Variants in DBR1 observed in about 807,000 individuals in gnomAD.
DBR1 encodes the protein lariat debranching enzyme.
A neutral mutation model predicts 45.9 loss-of-function variants in DBR1; 33 were observed. The ratio of observed to expected loss-of-function variants is 0.72; its 90% CI spans 0.55 to 0.96. The LOEUF (loss-of-function observed/expected upper bound fraction) is 0.96. DBR1 is among the 40% of genes least tolerant of loss of function. The pLI is 0.00. For missense variants in DBR1, 619 were observed against 667.4 expected (o/e 0.93, Z 0.80); for synonymous variants, 235 against 235.9 (o/e 1.00, Z 0.04).
chr3:138,167,350 A>T, intron 4 of DBR1, 45 bp from the exon 5 acceptor site: 1 of 1,369,272 alleles, frequency 7.3e-7, no homozygotes, highest in Non-Finnish European at 1.0e-6. Context: ...CTTAAAACAG[A>T]TTAACCAAAA....
intron 4 of DBR1, among the ~76,000 whole-genome samples, chr3:138,169,649 T>G (rs1405299577): frequency 6.6e-6 from 1 of 152,124 alleles, no homozygotes; most frequent in Non-Finnish European, 1.5e-5. Context: ...AAAAAAAATT[T>G]TGCCGGGCAC....
Position 138,162,440 on chromosome 3 carries a change from T to A in DBR1, c.1084A>T (p.Arg362Trp). ...AATTCAGTTGTCTGAGGATTGATCC[T>A]ATGAATCAGCTGCATTTGTGTCTGT... is the stretch of plus-strand genomic sequence containing the variant. ...KPQTQMQLIH[R>W]INPQTTEFCA... The change falls in exon 8 of 8, where the codon AGG becomes TGG. Residue 362 changes from arginine (R) to tryptophan (W), a missense_variant. Physicochemically the swap from Arg to Trp is moderately radical, Grantham distance 101. Coordinates refer to ENST00000260803, the MANE Select transcript of DBR1 (RefSeq NM_016216.4). 6.2e-7 allele frequency: 1 copy of A among 1,614,206 alleles called. No individual in the cohort carries two copies. The highest frequency in any genetic ancestry group is 8.5e-7 in the Non-Finnish European group (1 of 1,180,038).
In DBR1 at chr3:138,161,938, T is replaced by A. The variant is rs767205370; in HGVS notation, c.1586A>T (p.Asn529Ile). Residue 529 changes from asparagine (N) to isoleucine (I), a missense_variant, in exon 8 of 8, where the codon AAT becomes ATT. Asn to Ile is a moderately radical substitution (Grantham distance 149). This residue lies in a region of DBR1 where 182 missense variants were observed against 196.1 expected (regional missense o/e 0.93). Transcript: ENST00000260803. ...PEQRKKIKRRNQAIYAAVDDD... is the reference protein window; with the variant it reads ...PEQRKKIKRRIQAIYAAVDDD... ...ATCCACTGCAGCGTAAATGGCTTGA[T>A]TCCTCCTCTTAATTTTCTTTCTTTG... 2 of 1,614,198 alleles carry A rather than the reference T, an allele frequency of 1.2e-6. No individual in the cohort carries two copies. The highest frequency in any genetic ancestry group is 1.7e-6 in the Non-Finnish European group (2 of 1,180,018).
rs553653278 is a variant in DBR1, at chr3:138,163,370, T to C, written c.920A>G (p.Glu307Gly). The C allele has an allele frequency of 2.5e-6, 4 of 1,613,824 alleles. No individual in the cohort carries two copies. The South Asian group carries it at 4.4e-5, about 18-fold the overall frequency. Residue 307 changes from glutamate (E) to glycine (G), a missense_variant, in exon 7 of 8, where the codon GAA becomes GGA. By Grantham distance (98) the Glu-to-Gly change is moderately conservative. Around this residue, in one of 3 missense-constraint regions of DBR1, gnomAD observed 430 missense variants for 447.7 expected, o/e 0.96. Transcript: ENST00000260803. ...TTACCTTGCATGCAGGCCATTATTTTCTGGCATATTCCACAGGCGCCCAGT... is the reference window on the plus strand; with the variant it reads ...TTACCTTGCATGCAGGCCATTATTTCCTGGCATATTCCACAGGCGCCCAGT... ...NVTGRLWNMP[E>G]NNGLHARWDY...
chr3:138,163,285 G>T, intron 7 of DBR1, 64 bp downstream of exon 7: 1 of 1,538,958 alleles, frequency 6.5e-7, no homozygotes, highest in Non-Finnish European at 8.9e-7. Flanking sequence ...ACAAAACAAA[G>T]GTGGGAGATA....
At chr3:138,164,848 T>C (rs1354647140) in intron 5 of DBR1, among the ~76,000 whole-genome samples, 1 of 152,238 alleles carries the variant, frequency 6.6e-6, no homozygotes, top group African/African-American at 2.4e-5. Flanking sequence ...AGTTTCGCCA[T>C]GTTGGCCAGA....
At position 138,170,211 on chromosome 3, in the gene DBR1, A is replaced by G; in HGVS notation, c.404-19T>C. The G allele has an allele frequency of 6.8e-7, 1 of 1,471,802 alleles. No individual in the cohort carries two copies. The highest frequency in any genetic ancestry group is 9.4e-7 in the Non-Finnish European group (1 of 1,066,708). 91.2% of individuals were successfully genotyped at this position (1,471,802 alleles called of 1,614,324 possible). ...AAATGACCTTAGATTGAAGCAGAAA[A>G]ATAAGCTATATTTAATTTCCTTAAA... is the stretch of plus-strand genomic sequence containing the variant. On this transcript the variant is annotated intron_variant, in intron 3 of 7. Coordinates refer to ENST00000260803, the MANE Select transcript of DBR1 (RefSeq NM_016216.4).
Position 138,173,526 on chromosome 3 carries a change from C to T in DBR1, c.298G>A (p.Val100Met), listed in dbSNP as rs754271413. The change falls in exon 2 of 8, where the codon GTG (valine) becomes ATG (methionine). Residue 100 changes from valine to methionine, a missense_variant. Transcript: ENST00000260803. ...HLQELPYGGW[V>M]APNIYYLGLA... Reference sequence around the variant, plus strand: ...CCTAAATAATAAATGTTTGGTGCCACCCAGCCACCATAGGGTAACTCTTGC... The same window carrying T: ...CCTAAATAATAAATGTTTGGTGCCATCCAGCCACCATAGGGTAACTCTTGC... 6.8e-6 allele frequency: 11 copies of T among 1,613,952 alleles called. No homozygotes were observed. The highest frequency in any genetic ancestry group is 9.3e-6 in the Non-Finnish European group (11 of 1,179,912).
At chr3:138,174,576 T>TC in intron 1 of DBR1, 23 bp downstream of exon 1, 1 of 1,328,290 alleles carries the variant, frequency 7.5e-7, no homozygotes. Context: ...CACCGCCAAG[T>TC]CCGGGCCCGG....
chr3:138,174,463 C>A (rs560508659), intron 1 of DBR1, 136 bp downstream of exon 1: 3 of 897,050 alleles, frequency 3.3e-6, no homozygotes, highest in South Asian at 1.7e-5. Context: ...CACTACCTCA[C>A]CCCTGTATTC....
At position 138,161,773 on chromosome 3, in the gene DBR1, G is replaced by A; in HGVS notation, c.*116C>T. 1 of 786,710 alleles carries A rather than the reference G, an allele frequency of 1.3e-6. No individual in the cohort carries two copies. Among genetic ancestry groups the A allele is most frequent in the Non-Finnish European group, 2.1e-6 (1 of 475,682 alleles). 48.7% of individuals were successfully genotyped at this position (786,710 alleles called of 1,614,324 possible). A position where few individuals can be genotyped will look rare whatever the true frequency, so the allele number is the denominator to read the frequency against. On this transcript the variant is annotated 3_prime_UTR_variant, in exon 8 of 8. Coordinates refer to ENST00000260803, the MANE Select transcript of DBR1 (RefSeq NM_016216.4). ...AGGCAGGAGAATTGCTTGAACCTGGGAGGCGGAGGTTGCGGTGAGCCGAGA... is the reference window on the plus strand; with the variant it reads ...AGGCAGGAGAATTGCTTGAACCTGGAAGGCGGAGGTTGCGGTGAGCCGAGA...
At chr3:138,173,666 T>C (rs1326411205) in intron 1 of DBR1, 40 bp from the exon 2 acceptor site, 2 of 1,548,932 alleles carry the variant, frequency 1.3e-6, no homozygotes, top group Admixed American at 2.1e-5. Context: ...CAATTAGGCA[T>C]AGCAGAAAAG....
intron 5 of DBR1, chr3:138,164,107 T>C (rs2724712): frequency 0.65 from 198,980 of 307,036 alleles, 65,473 homozygotes; most frequent in Non-Finnish European, 0.69. Context: ...ATGATGATGA[T>C]GTTAACTCAA....
intron 4 of DBR1, among the ~76,000 whole-genome samples, chr3:138,168,216 A>G (rs1054553359): frequency 3.9e-5 from 6 of 152,158 alleles, no homozygotes; most frequent in African/African-American, 1.4e-4. Flanking sequence ...GAAAAATGAA[A>G]TTAAAACAAC....
intron 5 of DBR1, among the ~76,000 whole-genome samples, chr3:138,164,594 C>T (rs928489777): frequency 1.3e-5 from 2 of 152,188 alleles, no homozygotes; most frequent in Non-Finnish European, 2.9e-5. Flanking sequence ...TAGCACAACT[C>T]TGGAAATTTA....
intron 5 of DBR1, chr3:138,164,152 C>T (rs2107902300): frequency 5.3e-6 from 1 of 188,998 alleles, no homozygotes; most frequent in East Asian, 1.3e-4. Context: ...GCATATAACC[C>T]AAGGATTAAA....
intron 7 of DBR1, among the ~76,000 whole-genome samples, chr3:138,163,077 G>A (rs1012051453): frequency 1.1e-4 from 17 of 152,140 alleles, no homozygotes; most frequent in African/African-American, 3.9e-4. Flanking sequence ...AGGCAACATG[G>A]GAAAGCCCCA....
chr3:138,167,080 C>A lies in DBR1; in HGVS notation c.714+1G>T. 6.2e-7 allele frequency: 1 copy of A among 1,613,696 alleles called. No individual in the cohort carries two copies. The highest frequency in any genetic ancestry group is 8.5e-7 in the Non-Finnish European group (1 of 1,179,664). ...GAAAGAATAAACATTTTGTTTTCTACCTGATGCTGCATCAAGGCGGCAAAC... is the reference window on the plus strand; with the variant it reads ...GAAAGAATAAACATTTTGTTTTCTAACTGATGCTGCATCAAGGCGGCAAAC... On this transcript the variant is annotated splice_donor_variant, in intron 5 of 7. Coordinates refer to ENST00000260803, the MANE Select transcript of DBR1 (RefSeq NM_016216.4). LOFTEE classifies it high-confidence loss of function.
At chr3:138,164,771 C>T (rs980587345) in intron 5 of DBR1, among the ~76,000 whole-genome samples, 1 of 152,178 alleles carries the variant, frequency 6.6e-6, no homozygotes, top group African/African-American at 2.4e-5. Context: ...CTCAGCCTCC[C>T]GAATAGCTGG....
Sources: gnomAD v4.1 joint callset for allele counts (sites outside exome capture counted in the v4.1 genomes callset) on GRCh38, gnomAD v4.1.1 for gene constraint, gnomAD v4.1.1 regional missense constraint, MANE v1.5 for transcripts, NCBI Gene and HGNC (gene_info 2026-07-23, HGNC 2026-07-21) for gene names.